The following OR2L3 variants were observed in gnomAD, a reference collection of about 807,000 sequenced individuals.
OR2L3 encodes olfactory receptor 2L3.
For missense variants in OR2L3, 369 were observed against 376.6 expected, an observed-to-expected ratio of 0.98 and a Z score of 0.17; for synonymous variants, 131 against 139.1, an observed-to-expected ratio of 0.94 and a Z score of 0.41.
rs745604507 is a variant in OR2L3 at position 248,061,334 on chromosome 1, G to T, written c.653G>T (p.Gly218Val). 22 of 1,613,698 alleles carry T rather than the reference G, an allele frequency of 1.4e-5. No homozygotes were observed. Among genetic ancestry groups the T allele is most frequent in the Non-Finnish European group, 3.4e-6 (4 of 1,179,974 alleles). Reference sequence around the variant, plus strand: ...TTCATTGCTATTTCATGTTCCTATGGCCGGGTTCTCCTTGCTGTCTACCAC... The same window carrying T: ...TTCATTGCTATTTCATGTTCCTATGTCCGGGTTCTCCTTGCTGTCTACCAC... ...FPFIAISCSY[G>V]RVLLAVYHMK... Residue 218 changes from glycine (G) to valine (V), a missense_variant, in exon 2 of 2, where the codon GGC becomes GTC. Physicochemically the swap from Gly to Val is moderately radical, Grantham distance 109 (BLOSUM62 -3). Coordinates refer to ENST00000359959, the MANE Select transcript of OR2L3 (RefSeq NM_001004687.2).
intron 1 of OR2L3, among the ~76,000 whole-genome samples, chr1:248,048,067 GTCC>G (rs1663138110): frequency 6.6e-6 from 1 of 152,144 alleles, no homozygotes; most frequent in African/African-American, 2.4e-5. Context: ...GAGTAAGCAC[GTCC>G]TCATTCCAAA....
At chr1:248,056,815 A>AT (rs540532934) in intron 1 of OR2L3, among the ~76,000 whole-genome samples, 36 of 151,532 alleles carry the variant, frequency 2.4e-4, no homozygotes, top group South Asian at 1.5e-3. Context: ...ACTCGGCTAA[A>AT]TTTTTTTGGA....
At chr1:248,048,105 A>G (rs1413545464) in intron 1 of OR2L3, among the ~76,000 whole-genome samples, 1 of 152,208 alleles carries the variant, frequency 6.6e-6, no homozygotes, top group Non-Finnish European at 1.5e-5. Flanking sequence ...ATATACTTTC[A>G]TAATCAGTTT....
intron 1 of OR2L3, among the ~76,000 whole-genome samples, chr1:248,058,244 T>G (rs557002846): frequency 6.6e-6 from 1 of 152,202 alleles, no homozygotes; most frequent in Non-Finnish European, 1.5e-5. Context: ...TCAAATTATC[T>G]TTTCAGTTTT....
chr1:248,056,809 G>C lies in OR2L3; in HGVS notation c.-21-3852G>C, dbSNP rs116423787. 3.2e-3 allele frequency among the ~76,000 whole-genome samples: 480 copies of C among 151,640 alleles called. 8 individuals carry two copies. The highest frequency in any genetic ancestry group is 0.011 in the African/African-American group (449 of 41,336). ...ACTGCTGGTACACGCCACCATACTC[G>C]GCTAAATTTTTTTGGATTTTAGTAG... On this transcript the variant is annotated intron_variant, in intron 1 of 1. Coordinates refer to ENST00000359959, the MANE Select transcript of OR2L3 (RefSeq NM_001004687.2).
chr1:248,058,395 G>A (rs533255329), intron 1 of OR2L3, among the ~76,000 whole-genome samples: 2 of 152,136 alleles, frequency 1.3e-5, no homozygotes, highest in South Asian at 2.1e-4. Flanking sequence ...TCACCCCCAG[G>A]TTCCTTACAC....
chr1:248,050,802 G>A (rs1663239725), intron 1 of OR2L3, among the ~76,000 whole-genome samples: 3 of 152,136 alleles, frequency 2.0e-5, no homozygotes, highest in East Asian at 1.9e-4. Flanking sequence ...TAATCTTAAT[G>A]CCAATCTCAT....
rs1264032786 is a variant in OR2L3 at position 248,050,272 on chromosome 1, A to T, written c.-22+3392A>T. ...ATACTGAATTTTTAGTGAAAAAAAA[A>T]AAGTAAAAGCAAGTGAAGATGTTTC... On this transcript the variant is annotated intron_variant, in intron 1 of 1. Coordinates refer to ENST00000359959, the MANE Select transcript of OR2L3 (RefSeq NM_001004687.2). 3.9e-5 allele frequency among the ~76,000 whole-genome samples: 6 copies of T among 152,286 alleles called. No individual in the cohort carries two copies. In the East Asian group the frequency reaches 7.7e-4, roughly 20 times the overall value.
intron 1 of OR2L3, among the ~76,000 whole-genome samples, chr1:248,050,377 T>C (rs1346233178): frequency 6.6e-6 from 1 of 152,210 alleles, no homozygotes; most frequent in Non-Finnish European, 1.5e-5. Context: ...CATTTGGATT[T>C]ATTTTTACAT....
intron 1 of OR2L3, among the ~76,000 whole-genome samples, chr1:248,055,681 C>T (rs1477999409): frequency 2.6e-5 from 4 of 152,194 alleles, no homozygotes; most frequent in African/African-American, 7.2e-5. Context: ...CACTTAAACC[C>T]AGGAGGCGAA....
intron 1 of OR2L3, among the ~76,000 whole-genome samples, chr1:248,048,665 T>C (rs994156849): frequency 1.3e-5 from 2 of 152,164 alleles, no homozygotes; most frequent in African/African-American, 2.4e-5. Context: ...AAACTGACAC[T>C]GTCACCTGTT....
Position 248,061,509 on chromosome 1 carries a change from C to T in OR2L3, c.828C>T (p.Phe276=), listed in dbSNP as rs1239042792. The T allele has an allele frequency of 6.2e-7, 1 of 1,613,944 alleles. No individual in the cohort carries two copies. The highest frequency in any genetic ancestry group is 1.7e-5 in the Admixed American group (1 of 59,996). ...CAGAGGACAAGGTTCTGGCTGTCTT[C>T]TACACCACCCTCACTCCAATGCTCA... ...SPTEDKVLAV[F]YTTLTPMLNP... Residue 276 remains phenylalanine (F), a synonymous_variant, in exon 2 of 2, where the codon TTC becomes TTT. Coordinates refer to ENST00000359959, the MANE Select transcript of OR2L3 (RefSeq NM_001004687.2).
chr1:248,060,426 G>T (rs1663584408), intron 1 of OR2L3, among the ~76,000 whole-genome samples: 1 of 152,108 alleles, frequency 6.6e-6, no homozygotes, highest in African/African-American at 2.4e-5. Context: ...GACATAATTT[G>T]TATTATAGTA....
At chr1:248,047,193 A>G (rs1019494119) in intron 1 of OR2L3, among the ~76,000 whole-genome samples, 3 of 152,158 alleles carry the variant, frequency 2.0e-5, no homozygotes, top group African/African-American at 7.2e-5. Context: ...CCACATTCAT[A>G]ATAATGATTG....
chr1:248,055,135 G>T (rs1663393117), intron 1 of OR2L3, among the ~76,000 whole-genome samples: 1 of 152,148 alleles, frequency 6.6e-6, no homozygotes, highest in African/African-American at 2.4e-5. Flanking sequence ...TTTGTTGAGA[G>T]TTTTTAACAT....
chr1:248,060,978 G>C lies in OR2L3; in HGVS notation c.297G>C (p.Gln99His). The change falls in exon 2 of 2, where the codon CAG becomes CAC. Residue 99 changes from glutamine (Q) to histidine (H), a missense_variant. Physicochemically the swap from Gln to His is conservative, Grantham distance 24. Transcript: ENST00000359959. Reference sequence around the variant, plus strand: ...TCTCCTTCACTGGGTGTGGGATTCAGAGTTTCTTCTTCTCGGCATTAGGAG... The same window carrying C: ...TCTCCTTCACTGGGTGTGGGATTCACAGTTTCTTCTTCTCGGCATTAGGAG... ...KSISFTGCGIQSFFFSALGGA... is the reference protein window; with the variant it reads ...KSISFTGCGIHSFFFSALGGA... 6.2e-7 allele frequency: 1 copy of C among 1,613,972 alleles called. No homozygotes were observed. Among genetic ancestry groups the C allele is most frequent in the Non-Finnish European group, 8.5e-7 (1 of 1,179,922 alleles).
intron 1 of OR2L3, among the ~76,000 whole-genome samples, chr1:248,057,638 A>C (rs146794636): frequency 6.6e-6 from 1 of 152,108 alleles, no homozygotes; most frequent in East Asian, 1.9e-4. Flanking sequence ...TATAGGATGC[A>C]TTTCCATTTA....
intron 1 of OR2L3, among the ~76,000 whole-genome samples, chr1:248,053,727 A>G (rs1017613845): frequency 1.3e-5 from 2 of 152,114 alleles, no homozygotes; most frequent in African/African-American, 4.8e-5. Flanking sequence ...TGCTTTTTAA[A>G]ATATGTTTGT....
chr1:248,051,889 A>T (rs1233676067), intron 1 of OR2L3, among the ~76,000 whole-genome samples: 2 of 152,144 alleles, frequency 1.3e-5, no homozygotes, highest in Non-Finnish European at 2.9e-5. Flanking sequence ...GGTTTACAAT[A>T]ATTTGATGAT....
Sources: gnomAD v4.1 joint callset for allele counts (sites outside exome capture counted in the v4.1 genomes callset) on GRCh38, gnomAD v4.1.1 for gene constraint, MANE v1.5 for transcripts, NCBI Gene and HGNC (gene_info 2026-07-23, HGNC 2026-07-21) for gene names.